The following SLC15A5 variants were observed in gnomAD, a reference collection of about 807,000 sequenced individuals.
SLC15A5 encodes the protein Peptide/histidine transporter ENSP00000340402.
SLC15A5 carries 58 observed loss-of-function variants against 56.1 expected under a neutral mutation model. The ratio of observed to expected loss-of-function variants is 1.03; its 90% CI spans 0.84 to 1.29. The LOEUF (loss-of-function observed/expected upper bound fraction) is 1.29. Ranked by LOEUF, SLC15A5 falls within the 50% of genes most tolerant of loss-of-function variation. The pLI, the probability that SLC15A5 is intolerant of heterozygous loss-of-function variation, is 0.00. For missense variants in SLC15A5, 681 were observed against 672.1 expected, an observed-to-expected ratio of 1.01 and a Z score of -0.15; for synonymous variants, 264 against 250.5, an observed-to-expected ratio of 1.05 and a Z score of -0.51.
At chr12:16,216,098 T>C (rs1864127920) in intron 7 of SLC15A5, among the ~76,000 whole-genome samples, 1 of 152,206 alleles carries the variant, frequency 6.6e-6, no homozygotes, top group Non-Finnish European at 1.5e-5. Context: ...ACATCATTTT[T>C]AGTGCACAAC....
intron 4 of SLC15A5, 34 bp downstream of exon 4, chr12:16,244,546 T>C (rs1330906666): frequency 6.6e-7 from 1 of 1,513,702 alleles, no homozygotes; most frequent in Middle Eastern, 2.0e-4. Context: ...ATCACTTTCC[T>C]GTTGTTGGGG....
chr12:16,265,001 T>G (rs1864679961), intron 2 of SLC15A5, among the ~76,000 whole-genome samples: 1 of 152,176 alleles, frequency 6.6e-6, no homozygotes, highest in African/African-American at 2.4e-5. Context: ...GGAAGTGTGG[T>G]CCAGGTTATT....
intron 5 of SLC15A5, 58 bp from the exon 6 acceptor site, chr12:16,224,660 A>G (rs1864222017): frequency 7.0e-7 from 1 of 1,434,900 alleles, no homozygotes; most frequent in African/African-American, 1.4e-5. Flanking sequence ...AGATTCATGT[A>G]ATAAGCCATA....
chr12:16,256,089 G>GT (rs932481146), intron 3 of SLC15A5, among the ~76,000 whole-genome samples: 4 of 152,100 alleles, frequency 2.6e-5, no homozygotes, highest in Non-Finnish European at 5.9e-5. Context: ...CATAATCATA[G>GT]TTTTTTTAAA....
At chr12:16,201,806 C>T (rs1671523) in intron 7 of SLC15A5, among the ~76,000 whole-genome samples, 27,469 of 152,094 alleles carry the variant, frequency 0.18, 2,522 homozygotes, top group East Asian at 0.27. Context: ...ATAAATTACC[C>T]AGTCTTGGGC....
At chr12:16,211,739 AT>A (rs1053389051) in intron 7 of SLC15A5, among the ~76,000 whole-genome samples, 2 of 152,158 alleles carry the variant, frequency 1.3e-5, no homozygotes, top group Non-Finnish European at 2.9e-5. Flanking sequence ...TCCTGAAATG[AT>A]TAGTGTAGGA....
At chr12:16,236,104 A>G (rs371120661) in intron 5 of SLC15A5, among the ~76,000 whole-genome samples, 4 of 152,172 alleles carry the variant, frequency 2.6e-5, no homozygotes, top group African/African-American at 9.7e-5. Context: ...AGCCTTAATA[A>G]CAATCTTAAT....
chr12:16,197,688 T>TC (rs1863907409), intron 7 of SLC15A5, among the ~76,000 whole-genome samples: 1 of 151,576 alleles, frequency 6.6e-6, no homozygotes, highest in Non-Finnish European at 1.5e-5. Flanking sequence ...TCACACACCA[T>TC]CATGTAGCCT....
chr12:16,227,077 C>T (rs544080682), intron 5 of SLC15A5, among the ~76,000 whole-genome samples: 27 of 152,090 alleles, frequency 1.8e-4, no homozygotes, highest in Middle Eastern at 6.8e-3. Flanking sequence ...CTGCTCTTTC[C>T]AGGGTCCCCA....
intron 2 of SLC15A5, among the ~76,000 whole-genome samples, chr12:16,261,942 T>G (rs1015733360): frequency 2.0e-5 from 3 of 152,256 alleles, no homozygotes; most frequent in African/African-American, 7.2e-5. Context: ...GCTTGTCTTT[T>G]CATTCTATTA....
chr12:16,237,484 CT>C lies in SLC15A5; in HGVS notation c.1162+2196del, dbSNP rs1864363412. 6.6e-6 allele frequency among the ~76,000 whole-genome samples: 1 copy of C among 152,074 alleles called. No individual in the cohort carries two copies. The highest frequency in any genetic ancestry group is 1.5e-5 in the Non-Finnish European group (1 of 68,012). On this transcript the variant is annotated intron_variant, in intron 5 of 8. Coordinates refer to ENST00000344941, the MANE Select transcript of SLC15A5 (RefSeq NM_001170798.1). The surrounding 1 kb of genome is among the most constrained non-coding windows in gnomAD (Gnocchi z 4.1). ...CTGTGCAATAGGTCTTGTTACCAAT[CT>C]TGAAGGGGAATATTTAATTCATTAA...
chr12:16,250,250 C>T (rs894999758), intron 3 of SLC15A5, among the ~76,000 whole-genome samples: 7 of 151,938 alleles, frequency 4.6e-5, no homozygotes, highest in African/African-American at 1.5e-4. Flanking sequence ...TTATAAGACA[C>T]AGGAATTTCT....
At chr12:16,253,741 C>A (rs1864542000) in intron 3 of SLC15A5, among the ~76,000 whole-genome samples, 1 of 151,938 alleles carries the variant, frequency 6.6e-6, no homozygotes, top group African/African-American at 2.4e-5. Flanking sequence ...TCATAGCCAT[C>A]ATTCAAGGTG....
rs1196717147 is a variant in SLC15A5, at chr12:16,272,689, G to T, written c.456C>A (p.His152Gln). The change falls in exon 2 of 9, where the codon CAC becomes CAA. Residue 152 changes from histidine to glutamine, a missense_variant. By Grantham distance (24) the His-to-Gln change is conservative. Transcript: ENST00000344941. ...TCAGCAGTGCTACATAAAACAGCCTGTGCTGCTCTGTTTTTGGTATGTTGT... is the reference window on the plus strand; with the variant it reads ...TCAGCAGTGCTACATAAAACAGCCTTTGCTGCTCTGTTTTTGGTATGTTGT... The part of the protein sequence containing the change: ...AVNNIPKTEQ[H>Q]RLFYVALLTI... 2 of 1,537,098 alleles carry T rather than the reference G, an allele frequency of 1.3e-6. No homozygotes were observed. Among genetic ancestry groups the T allele is most frequent in the African/African-American group, 2.7e-5 (2 of 72,998 alleles).
At chr12:16,270,822 A>C (rs114733348) in intron 2 of SLC15A5, among the ~76,000 whole-genome samples, 10 of 152,300 alleles carry the variant, frequency 6.6e-5, no homozygotes, top group African/African-American at 1.9e-4. Flanking sequence ...ATTCATTGCT[A>C]TAAACTGCAG....
intron 5 of SLC15A5, among the ~76,000 whole-genome samples, chr12:16,225,794 G>T (rs1431643476): frequency 6.6e-6 from 1 of 152,142 alleles, no homozygotes; most frequent in Non-Finnish European, 1.5e-5. Flanking sequence ...TAAAAAGTCA[G>T]GAAACAACAG....
At chr12:16,252,408 C>G (rs527758672) in intron 3 of SLC15A5, among the ~76,000 whole-genome samples, 25 of 152,110 alleles carry the variant, frequency 1.6e-4, no homozygotes, top group African/African-American at 5.8e-4. Flanking sequence ...ATGTACCAAA[C>G]ACTAAGAATT....
At chr12:16,191,697 T>TAG (rs1565653885) in intron 8 of SLC15A5, among the ~76,000 whole-genome samples, 1 of 152,094 alleles carries the variant, frequency 6.6e-6, no homozygotes, top group African/African-American at 2.4e-5. Context: ...ACACTGGTCT[T>TAG]TCTCTCTCAG....
At chr12:16,231,437 C>T (rs553713930) in intron 5 of SLC15A5, among the ~76,000 whole-genome samples, 1 of 152,138 alleles carries the variant, frequency 6.6e-6, no homozygotes, top group South Asian at 2.1e-4. Flanking sequence ...AATGAGGGAG[C>T]TACAATCTAA....
Sources: allele counts gnomAD v4.1 joint callset (sites outside exome capture counted in the v4.1 genomes callset), GRCh38; gene constraint gnomAD v4.1.1; non-coding constraint Gnocchi (gnomAD v3.1); transcripts MANE v1.5; gene names NCBI Gene and HGNC (gene_info 2026-07-23, HGNC 2026-07-21).